Variants in DPYD observed in about 807,000 individuals in gnomAD.
The protein encoded by DPYD is dihydropyrimidine dehydrogenase.
DPYD carries 109 observed loss-of-function variants against 116.2 expected under a neutral mutation model. The ratio of observed to expected loss-of-function variants is 0.94; its 90% CI spans 0.80 to 1.10. The LOEUF is 1.10. Among genes scored for constraint, DPYD ranks in the 50% least tolerant of loss-of-function variants. The pLI is 0.00. For missense variants in DPYD, 1,302 were observed against 1,254.5 expected, an observed-to-expected ratio of 1.04 and a Z score of -0.57; for synonymous variants, 440 against 432.0, an observed-to-expected ratio of 1.02 and a Z score of -0.23.
At chr1:97,518,767 C>A (rs1347919541) in intron 12 of DPYD, among the ~76,000 whole-genome samples, 1 of 151,956 alleles carries the variant, frequency 6.6e-6, no homozygotes, top group African/African-American at 2.4e-5. Flanking sequence ...GGATAGGTTC[C>A]ATAATGGCTA....
At chr1:97,329,828 T>C (rs987785324) in intron 16 of DPYD, among the ~76,000 whole-genome samples, 31 of 148,026 alleles carry the variant, frequency 2.1e-4, no homozygotes, top group African/African-American at 6.5e-4. Context: ...TCTTACCCTA[T>C]GTTTGAACAC....
intron 8 of DPYD, among the ~76,000 whole-genome samples, chr1:97,629,339 A>T (rs1345605762): frequency 6.6e-6 from 1 of 152,086 alleles, no homozygotes; most frequent in Non-Finnish European, 1.5e-5. Context: ...CAAGTGAAAC[A>T]GGAAACAAAA....
chr1:97,384,769 C>A (rs1338093528), intron 14 of DPYD, among the ~76,000 whole-genome samples: 1 of 151,974 alleles, frequency 6.6e-6, no homozygotes, highest in Non-Finnish European at 1.5e-5. Flanking sequence ...GACTCTGAAT[C>A]AAAGCCACTG....
intron 11 of DPYD, among the ~76,000 whole-genome samples, chr1:97,558,683 T>C (rs975005647): frequency 2.6e-5 from 4 of 152,292 alleles, no homozygotes; most frequent in Admixed American, 2.6e-4. Context: ...ATGGAAACGA[T>C]GGATGTCAAT....
chr1:97,152,305 A>G (rs1288118350), intron 20 of DPYD, among the ~76,000 whole-genome samples: 1 of 152,132 alleles, frequency 6.6e-6, no homozygotes, highest in Admixed American at 6.6e-5. Flanking sequence ...GCTGGGAATG[A>G]ATGGACAATT....
chr1:97,786,951 G>C (rs1250686981), intron 3 of DPYD, among the ~76,000 whole-genome samples: 1 of 152,088 alleles, frequency 6.6e-6, no homozygotes, highest in Non-Finnish European at 1.5e-5. Context: ...CTAACTTCTA[G>C]ACTAGTTAGC....
Position 97,920,925 on chromosome 1 carries a change from C to A in DPYD, c.-3G>T. ...TCCTTACTGAGCACAGGGGCCATGG[C>A]AGTGCCTACAGTCTCGAGTCTGCCA... is the stretch of plus-strand genomic sequence containing the variant. On this transcript the variant is annotated 5_prime_UTR_variant, in exon 1 of 23. Transcript: ENST00000370192. The A allele has an allele frequency of 6.3e-7, 1 of 1,585,642 alleles. No homozygotes were observed.
chr1:97,107,618 T>A (rs1175361563), intron 20 of DPYD, among the ~76,000 whole-genome samples: 1 of 152,090 alleles, frequency 6.6e-6, no homozygotes, highest in Non-Finnish European at 1.5e-5. Flanking sequence ...GAGTACATTA[T>A]CTCTTCCTTA....
At chr1:97,092,376 G>A (rs1353921442) in intron 21 of DPYD, among the ~76,000 whole-genome samples, 2 of 152,140 alleles carry the variant, frequency 1.3e-5, no homozygotes, top group African/African-American at 4.8e-5. Flanking sequence ...TTGCATATGC[G>A]AGACAAAATG....
At chr1:97,656,492 A>T (rs1658911558) in intron 8 of DPYD, among the ~76,000 whole-genome samples, 1 of 152,188 alleles carries the variant, frequency 6.6e-6, no homozygotes, top group African/African-American at 2.4e-5. Flanking sequence ...AAGTAGGTTC[A>T]GTAGTACACA....
chr1:97,787,900 A>T (rs968903445), intron 3 of DPYD, among the ~76,000 whole-genome samples: 4 of 152,208 alleles, frequency 2.6e-5, no homozygotes, highest in African/African-American at 7.2e-5. Context: ...TACATATAAG[A>T]GACAAGATTT....
chr1:97,090,924 A>G (rs1649857468), intron 21 of DPYD, among the ~76,000 whole-genome samples: 1 of 152,198 alleles, frequency 6.6e-6, no homozygotes, highest in Admixed American at 6.6e-5. Context: ...TACTAAATAC[A>G]TACTTGCTGA....
intron 4 of DPYD, among the ~76,000 whole-genome samples, chr1:97,725,091 A>G (rs1308114001): frequency 6.6e-6 from 1 of 151,752 alleles, no homozygotes; most frequent in Non-Finnish European, 1.5e-5. Context: ...AGAAGTAATA[A>G]AAGTACAGCA....
intron 3 of DPYD, among the ~76,000 whole-genome samples, chr1:97,820,043 C>G (rs1295209475): frequency 3.3e-5 from 5 of 152,040 alleles, no homozygotes; most frequent in Admixed American, 6.6e-5. Flanking sequence ...CAAAATTACT[C>G]GGTTCATGGT....
chr1:97,862,223 C>A (rs1671152998), intron 2 of DPYD, among the ~76,000 whole-genome samples: 1 of 151,758 alleles, frequency 6.6e-6, no homozygotes, highest in African/African-American at 2.4e-5. Context: ...GATTTAAAAA[C>A]AAACTCATAA....
chr1:97,188,137 G>T (rs908357977), intron 20 of DPYD, among the ~76,000 whole-genome samples: 1 of 151,972 alleles, frequency 6.6e-6, no homozygotes, highest in African/African-American at 2.4e-5. Flanking sequence ...ATACAATTTT[G>T]GTTTCTATTA....
chr1:97,201,714 A>G (rs1359652587), intron 19 of DPYD, among the ~76,000 whole-genome samples: 1 of 152,140 alleles, frequency 6.6e-6, no homozygotes, highest in Non-Finnish European at 1.5e-5. Context: ...CATCAAAGTC[A>G]TGATGTCCCT....
chr1:97,918,150 A>T (rs1049775879), intron 1 of DPYD, among the ~76,000 whole-genome samples: 4 of 152,152 alleles, frequency 2.6e-5, no homozygotes, highest in Non-Finnish European at 5.9e-5. Context: ...AATGCTAATC[A>T]TTTCATTGGA....
At chr1:97,564,371 A>T (rs1652374332) in intron 11 of DPYD, among the ~76,000 whole-genome samples, 1 of 152,214 alleles carries the variant, frequency 6.6e-6, no homozygotes, top group Non-Finnish European at 1.5e-5. Context: ...TCCAGAATCA[A>T]TGCCACATAT....
Sources: allele counts gnomAD v4.1 joint callset (sites outside exome capture counted in the v4.1 genomes callset), GRCh38; gene constraint gnomAD v4.1.1; transcripts MANE v1.5; gene names NCBI Gene and HGNC (gene_info 2026-07-23, HGNC 2026-07-21).